CFAP54: variants seen among roughly 807,000 people sequenced by gnomAD.
The protein encoded by CFAP54 is cilia and flagella associated protein 54, also known as cilia- and flagella-associated protein 54.
CFAP54 carries 290 observed loss-of-function variants against 370.4 expected under a neutral mutation model. The observed-to-expected ratio is 0.78, with a 90% CI of 0.71 to 0.86. The LOEUF is 0.86. CFAP54 is among the 40% of genes least tolerant of loss of function. The probability of loss-of-function intolerance (pLI) is 0.00; values close to 1 mark genes in which losing one functional copy is unlikely to be tolerated. For synonymous variants in CFAP54, 1,206 were observed against 1,236.5 expected (o/e 0.98, Z 0.52); for missense variants, 3,399 against 3,528.7 (o/e 0.96, Z 0.93).
intron 66 of CFAP54, among the ~76,000 whole-genome samples, chr12:96,831,720 T>C (rs1959171747): frequency 6.6e-6 from 1 of 152,202 alleles, no homozygotes; most frequent in African/African-American, 2.4e-5. Context: ...GAGGTGATGC[T>C]ATCTTCATCT....
intron 3 of CFAP54, 33 bp downstream of exon 3, chr12:96,504,062 T>G (rs1254224017): frequency 1.4e-6 from 2 of 1,476,060 alleles, no homozygotes; most frequent in African/African-American, 2.8e-5. Flanking sequence ...ATAGCTACAA[T>G]TTATGATTAG....
intron 50 of CFAP54, among the ~76,000 whole-genome samples, chr12:96,723,142 T>C (rs1225519746): frequency 1.2e-4 from 18 of 152,204 alleles, no homozygotes; most frequent in Admixed American, 1.2e-3. Context: ...AAATATTTTA[T>C]GTACCCTGGA....
At chr12:96,526,885 G>GTTTTTTTTTTTTTTTTTTTT (rs34080505) in intron 8 of CFAP54, among the ~76,000 whole-genome samples, 1 of 97,688 alleles carries the variant, frequency 1.0e-5, no homozygotes, top group Non-Finnish European at 2.0e-5. Context: ...CTTATAACAG[G>GTTTTTTTTTTTTTTTTTTTT]TTTTTTTTTT....
intron 65 of CFAP54, among the ~76,000 whole-genome samples, chr12:96,823,276 G>A (rs1340536659): frequency 6.6e-6 from 1 of 152,144 alleles, no homozygotes; most frequent in African/African-American, 2.4e-5. Flanking sequence ...TCCTGTATTA[G>A]TTAGGCAATT....
chr12:96,522,131 G>T lies in CFAP54; in HGVS notation c.1100G>T (p.Arg367Ile). 1 of 1,535,426 alleles carries T rather than the reference G, an allele frequency of 6.5e-7. No homozygotes were observed. The highest frequency in any genetic ancestry group is 1.7e-4 in the Middle Eastern group (1 of 5,942). Residue 367 changes from arginine to isoleucine, a missense_variant, in exon 8 of 68, where the codon AGA becomes ATA. This residue lies in a region of CFAP54 where 559 missense variants were observed against 576.7 expected (regional missense o/e 0.97). Transcript: ENST00000524981. ...IFKRGVFESR[R>I]KNKAVFRPKI... ...AAAAGAGGAGTCTTTGAATCTAGAA[G>T]AAAAAACAAAGCTGTCTTTAGACCT...
chr12:96,725,992 A>G (rs1270628579), intron 50 of CFAP54, among the ~76,000 whole-genome samples: 1 of 146,390 alleles, frequency 6.8e-6, no homozygotes, highest in Admixed American at 6.9e-5. Flanking sequence ...TGATTTGCGT[A>G]TATTGAACCA....
At chr12:96,803,844 C>T (rs763617086) in intron 63 of CFAP54, among the ~76,000 whole-genome samples, 2 of 152,062 alleles carry the variant, frequency 1.3e-5, no homozygotes, top group Non-Finnish European at 1.5e-5. Context: ...GCAGGACATA[C>T]TATACAACCA....
At position 96,613,743 on chromosome 12, in the gene CFAP54, A is replaced by C. The variant is rs371064112; in HGVS notation, c.3640-7847A>C. 1.3e-3 allele frequency among the ~76,000 whole-genome samples: 203 copies of C among 152,272 alleles called. 1 individual carries two copies. Among genetic ancestry groups the C allele is most frequent in the African/African-American group, 3.0e-3 (125 of 41,570 alleles). ...TCAGCAGAGAATACTATAAACACCT[A>C]TATGCAAATAAACTAGAAAATCTAG... is the stretch of plus-strand genomic sequence containing the variant. On this transcript the variant is annotated intron_variant, in intron 26 of 67. Coordinates refer to ENST00000524981, the MANE Select transcript of CFAP54 (RefSeq NM_001306084.2).
intron 17 of CFAP54, among the ~76,000 whole-genome samples, chr12:96,563,493 T>G (rs1010306389): frequency 6.6e-6 from 1 of 152,212 alleles, no homozygotes; most frequent in African/African-American, 2.4e-5. Flanking sequence ...CCTTCTTATC[T>G]CCAACGATTA....
rs11830212 is a variant in CFAP54 at position 96,741,339 on chromosome 12, G to A, written c.7072-1100G>A. 6.3e-3 allele frequency among the ~76,000 whole-genome samples: 954 copies of A among 152,200 alleles called. 11 individuals carry two copies. Among genetic ancestry groups the A allele is most frequent in the African/African-American group, 0.022 (900 of 41,528 alleles). ...CTGCCACCATGCCTGTCTAATTTTTGTATTTTTAGTAGAGAGTTTCACCAT... is the reference window on the plus strand; with the variant it reads ...CTGCCACCATGCCTGTCTAATTTTTATATTTTTAGTAGAGAGTTTCACCAT... On this transcript the variant is annotated intron_variant, in intron 51 of 67. Transcript: ENST00000524981.
chr12:96,580,720 C>A, intron 21 of CFAP54, 31 bp downstream of exon 21: 1 of 1,360,324 alleles, frequency 7.4e-7, no homozygotes, highest in Non-Finnish European at 1.0e-6. Context: ...GGAAATCTTA[C>A]TGAAGCCTTT....
At chr12:96,496,856 G>T (rs4762304) in intron 1 of CFAP54, among the ~76,000 whole-genome samples, 3,949 of 152,258 alleles carry the variant, frequency 0.026, 117 homozygotes, top group African/African-American at 0.071. Context: ...GAATAAAATA[G>T]GCAATGATCT....
chr12:96,506,035 C>T (rs1955095910), intron 3 of CFAP54, among the ~76,000 whole-genome samples: 4 of 152,086 alleles, frequency 2.6e-5, no homozygotes, highest in African/African-American at 9.7e-5. Flanking sequence ...CACTGGGGAG[C>T]TTATAACAAT....
At chr12:96,792,528 T>G in intron 63 of CFAP54, 29 bp downstream of exon 63, 2 of 1,478,878 alleles carry the variant, frequency 1.4e-6, no homozygotes, top group Non-Finnish European at 1.8e-6. Flanking sequence ...GAACTCAATA[T>G]TTCATTTATA....
At chr12:96,674,336 CTTTTT>C (rs5800259) in intron 39 of CFAP54, among the ~76,000 whole-genome samples, 3 of 125,016 alleles carry the variant, frequency 2.4e-5, no homozygotes, top group African/African-American at 8.9e-5. Flanking sequence ...CAATGTTTTT[CTTTTT>C]TTTTTTTTTT....
chr12:96,721,109 A>C (rs1169188142), intron 50 of CFAP54, among the ~76,000 whole-genome samples: 1 of 152,228 alleles, frequency 6.6e-6, no homozygotes, highest in Non-Finnish European at 1.5e-5. Context: ...AGAATGAACA[A>C]ATTAACAATG....
At chr12:96,772,447 A>G (rs1393909574) in intron 60 of CFAP54, among the ~76,000 whole-genome samples, 2 of 152,164 alleles carry the variant, frequency 1.3e-5, no homozygotes. Context: ...CCAGCAGCGT[A>G]GCATCTCCAA....
chr12:96,855,391 A>G (rs1959673163), intron 66 of CFAP54, among the ~76,000 whole-genome samples: 1 of 152,236 alleles, frequency 6.6e-6, no homozygotes, highest in East Asian at 1.9e-4. Context: ...TCAAAAGTCC[A>G]ACTCCAAAGT....
intron 17 of CFAP54, among the ~76,000 whole-genome samples, chr12:96,556,623 T>C (rs1281700561): frequency 1.3e-5 from 2 of 152,098 alleles, no homozygotes; most frequent in Non-Finnish European, 2.9e-5. Flanking sequence ...TGCAGCACTA[T>C]TCACAATAGC....
Sources: allele counts gnomAD v4.1 joint callset (sites outside exome capture counted in the v4.1 genomes callset), GRCh38; gene constraint gnomAD v4.1.1; regional missense constraint gnomAD v4.1.1; transcripts MANE v1.5; gene names NCBI Gene and HGNC (gene_info 2026-07-23, HGNC 2026-07-21).